Variants in CIROZ observed in about 807,000 individuals in gnomAD.
The protein encoded by CIROZ is ciliated left-right organizer ZP-N domains-containing protein.
the CIROZ span, among the ~76,000 whole-genome samples, chr1:10,960,508 T>C: frequency 6.6e-6 from 1 of 152,218 alleles, no homozygotes; most frequent in Non-Finnish European, 1.5e-5. This position sits in a 1 kb window ranked among gnomAD's most constrained non-coding sequence, Gnocchi z 4.6. Flanking sequence ...TTAGGGCCCG[T>C]GGACATTCCG....
chr1:10,951,547 G>A, the CIROZ span, among the ~76,000 whole-genome samples: 11 of 145,134 alleles, frequency 7.6e-5, no homozygotes, highest in East Asian at 2.0e-4. Flanking sequence ...ACTCTGTCTC[G>A]GGGTAAAAAA....
chr1:10,973,959 C>CCCG, the CIROZ span, among the ~76,000 whole-genome samples: 1 of 144,516 alleles, frequency 6.9e-6, no homozygotes, highest in African/African-American at 2.5e-5. Flanking sequence ...AGGAAGGACC[C>CCCG]CCCCCACCAA....
the CIROZ span, chr1:10,957,456 T>G: frequency 3.8e-6 from 4 of 1,064,268 alleles, no homozygotes; most frequent in Non-Finnish European, 5.3e-6. Context: ...CGGAGCGCTT[T>G]ACGCTAATGG....
At chr1:10,947,815 G>A in the CIROZ span, 1 of 1,600,138 alleles carries the variant, frequency 6.2e-7, no homozygotes, top group Non-Finnish European at 8.5e-7. Context: ...AGCTCCACCA[G>A]GCTGGGTAGC....
At chr1:10,963,181 G>C in the CIROZ span, among the ~76,000 whole-genome samples, 1 of 152,066 alleles carries the variant, frequency 6.6e-6, no homozygotes, top group Non-Finnish European at 1.5e-5. Flanking sequence ...TTGAGGTCAG[G>C]AGTTCAAGAC....
the CIROZ span, chr1:10,948,037 C>G: frequency 1.2e-6 from 2 of 1,613,370 alleles, no homozygotes; most frequent in South Asian, 2.2e-5. Flanking sequence ...GGAAGAACTG[C>G]CAGGGGCGCT....
At chr1:10,966,490 G>A in the CIROZ span, 4 of 1,531,776 alleles carry the variant, frequency 2.6e-6, no homozygotes, top group Non-Finnish European at 3.5e-6. Context: ...TGCCTGGAAT[G>A]AGAAAGGGAC....
chr1:10,958,843 A>G, the CIROZ span: 1 of 1,352,758 alleles, frequency 7.4e-7, no homozygotes, highest in African/African-American at 1.4e-5. Context: ...ACCGGCAATT[A>G]CCCCAGCAGG....
At chr1:10,969,889 T>C in the CIROZ span, 21 of 1,439,792 alleles carry the variant, frequency 1.5e-5, no homozygotes, top group East Asian at 4.4e-4. Flanking sequence ...GCAAGAGCCA[T>C]GGGGGAGGAG....
chr1:10,980,716 T>G, the CIROZ span, among the ~76,000 whole-genome samples: 4 of 152,198 alleles, frequency 2.6e-5, no homozygotes, highest in South Asian at 6.2e-4. Context: ...GTCTGATGCC[T>G]GCTCCTGTTC....
At chr1:10,970,202 G>A in the CIROZ span, 1 of 1,039,840 alleles carries the variant, frequency 9.6e-7, no homozygotes, top group Non-Finnish European at 1.4e-6. Context: ...CTCTCAGCCT[G>A]GCTTCAATGG....
At chr1:10,946,571 G>C in the CIROZ span, 1 of 152,200 alleles carries the variant, frequency 6.6e-6, no homozygotes, top group Non-Finnish European at 1.5e-5. Flanking sequence ...TGATGGGTCT[G>C]CCTGGAGGTG....
the CIROZ span, chr1:10,955,086 T>A: frequency 6.2e-7 from 1 of 1,614,046 alleles, no homozygotes; most frequent in Non-Finnish European, 8.5e-7. Flanking sequence ...CTCGGAGGAA[T>A]CTGAGGCTCA....
the CIROZ span, among the ~76,000 whole-genome samples, chr1:10,967,313 C>A: frequency 1.3e-5 from 2 of 152,082 alleles, no homozygotes; most frequent in African/African-American, 2.4e-5. Flanking sequence ...TCAATCATCC[C>A]AGGCCCAGTC....
At chr1:10,954,178 G>A in the CIROZ span, 1 of 1,596,010 alleles carries the variant, frequency 6.3e-7, no homozygotes, top group African/African-American at 1.3e-5. Flanking sequence ...CACATTGGCT[G>A]GGCGCAGTGG....
chr1:10,951,745 A>AATATAT, the CIROZ span, among the ~76,000 whole-genome samples: 268 of 119,092 alleles, frequency 2.3e-3, 2 homozygotes, highest in African/African-American at 8.1e-3. Flanking sequence ...AAAAAAAAAA[A>AATATAT]ATATATATAT....
At chr1:10,947,878 A>ACG in the CIROZ span, 15 of 1,612,190 alleles carry the variant, frequency 9.3e-6, no homozygotes, top group Non-Finnish European at 1.3e-5. Context: ...GGAGGGCTGG[A>ACG]CGTGTGTGCA....
the CIROZ span, among the ~76,000 whole-genome samples, chr1:10,967,987 A>C: frequency 1.3e-5 from 2 of 152,008 alleles, no homozygotes; most frequent in East Asian, 3.9e-4. Flanking sequence ...AAAATAAATA[A>C]ATACAAATAA....
chr1:10,958,580 G>T, the CIROZ span: 1 of 1,063,200 alleles, frequency 9.4e-7, no homozygotes, highest in Non-Finnish European at 1.4e-6. Flanking sequence ...GGTCCTTGAA[G>T]AGTCTGTACC....
Sources: allele counts gnomAD v4.1 joint callset (sites outside exome capture counted in the v4.1 genomes callset), GRCh38; gene constraint gnomAD v4.1.1; non-coding constraint Gnocchi (gnomAD v3.1); transcripts MANE v1.5; gene names NCBI Gene and HGNC (gene_info 2026-07-23, HGNC 2026-07-21).